XPO4: variants seen among roughly 807,000 people sequenced by gnomAD.
The protein encoded by XPO4 is exportin-4.
Under a neutral mutation model 143.0 loss-of-function variants are expected in XPO4, and 39 were observed. That is an observed-to-expected ratio of 0.27 (90% CI 0.21 to 0.36). The LOEUF (loss-of-function observed/expected upper bound fraction) is 0.36, where lower values mean the gene tolerates loss of function less well. Ranked by LOEUF, XPO4 falls within the 10% of genes least tolerant of loss-of-function variation. The probability of loss-of-function intolerance (pLI) is 1.00; values close to 1 mark genes in which losing one functional copy is unlikely to be tolerated. For synonymous variants in XPO4, 439 were observed against 474.0 expected (o/e 0.93, Z 0.96); for missense variants, 907 against 1,348.0 (o/e 0.67, Z 5.12).
chr13:20,887,590 C>T (rs886070872), intron 1 of XPO4, among the ~76,000 whole-genome samples: 1 of 152,228 alleles, frequency 6.6e-6, no homozygotes, highest in African/African-American at 2.4e-5. Flanking sequence ...CACTGTGGCT[C>T]ATGCCTGTAA....
intron 1 of XPO4, among the ~76,000 whole-genome samples, chr13:20,877,447 A>C (rs1272054739): frequency 6.6e-6 from 1 of 152,220 alleles, no homozygotes; most frequent in African/African-American, 2.4e-5. Context: ...ACTCAGCTAG[A>C]AACACTCTTC....
chr13:20,866,126 AC>A (rs2060242834), intron 2 of XPO4: 2 of 984,184 alleles, frequency 2.0e-6, no homozygotes, highest in Non-Finnish European at 2.4e-6. Flanking sequence ...TTTTAAAGGA[AC>A]ATTTGATCCT....
rs1232276433 is a variant in XPO4, at chr13:20,790,340, T to G, written c.2916+122A>C. ...ACCGTTAATGAAAATACAAAAATTGTATCTTCATGTGCACTTAGCAGATAC... is the reference window on the plus strand; with the variant it reads ...ACCGTTAATGAAAATACAAAAATTGGATCTTCATGTGCACTTAGCAGATAC... On this transcript the variant is annotated intron_variant, in intron 19 of 22. Transcript: ENST00000255305. 4 of 762,554 alleles carry G rather than the reference T, an allele frequency of 5.2e-6. No individual in the cohort carries two copies. In the Admixed American group the frequency reaches 8.3e-5, roughly 16 times the overall value. 47.2% of individuals were successfully genotyped at this position (762,554 alleles called of 1,614,324 possible).
At chr13:20,877,995 A>T (rs1056104378) in intron 1 of XPO4, among the ~76,000 whole-genome samples, 2 of 152,190 alleles carry the variant, frequency 1.3e-5, no homozygotes, top group Non-Finnish European at 2.9e-5. Context: ...TCAGGAGCTC[A>T]AGACCAGCCT....
chr13:20,802,351 C>T (rs978422237), intron 13 of XPO4, among the ~76,000 whole-genome samples: 1 of 152,134 alleles, frequency 6.6e-6, no homozygotes, highest in Non-Finnish European at 1.5e-5. Context: ...AACCACCATG[C>T]CCAACCTTCT....
intron 18 of XPO4, among the ~76,000 whole-genome samples, chr13:20,792,545 G>T (rs1243895599): frequency 6.6e-6 from 1 of 151,766 alleles, no homozygotes; most frequent in Non-Finnish European, 1.5e-5. Flanking sequence ...GTCCAGCCTG[G>T]GTGACAGAGC....
intron 4 of XPO4, among the ~76,000 whole-genome samples, chr13:20,845,236 G>A (rs780115425): frequency 6.6e-6 from 1 of 152,120 alleles, no homozygotes; most frequent in South Asian, 2.1e-4. Context: ...TAAAACAAGC[G>A]TGACTATATA....
At chr13:20,828,109 C>T (rs979182042) in intron 6 of XPO4, among the ~76,000 whole-genome samples, 4 of 152,062 alleles carry the variant, frequency 2.6e-5, no homozygotes, top group Non-Finnish European at 4.4e-5. Flanking sequence ...TGGTGGCAGG[C>T]ACCTGTAATC....
intron 1 of XPO4, among the ~76,000 whole-genome samples, chr13:20,901,190 C>A (rs897605261): frequency 6.6e-6 from 1 of 152,206 alleles, no homozygotes; most frequent in Non-Finnish European, 1.5e-5. Context: ...AGCCCAATAT[C>A]TAGCACTCAA....
chr13:20,858,567 T>C (rs2060166640), intron 3 of XPO4, among the ~76,000 whole-genome samples: 1 of 151,734 alleles, frequency 6.6e-6, no homozygotes, highest in African/African-American at 2.4e-5. Context: ...AAAAAAATGT[T>C]TGAGATAAAA....
chr13:20,832,978 A>G (rs372495298), intron 6 of XPO4, among the ~76,000 whole-genome samples: 9 of 152,318 alleles, frequency 5.9e-5, no homozygotes, highest in African/African-American at 2.2e-4. Flanking sequence ...AATAAAAGGC[A>G]GTGTAACCAA....
chr13:20,891,438 A>C (rs1055986661), intron 1 of XPO4, among the ~76,000 whole-genome samples: 12 of 152,222 alleles, frequency 7.9e-5, no homozygotes, highest in Non-Finnish European at 1.6e-4. Flanking sequence ...AATAGCAGCT[A>C]ACATTTACAG....
At chr13:20,813,192 C>A (rs1246101533) in intron 9 of XPO4, among the ~76,000 whole-genome samples, 1 of 152,128 alleles carries the variant, frequency 6.6e-6, no homozygotes, top group East Asian at 1.9e-4. Context: ...AATCACCCCC[C>A]ACCAGGTCCC....
intron 2 of XPO4, chr13:20,865,731 T>C (rs1360137283): frequency 9.4e-6 from 3 of 319,322 alleles, no homozygotes; most frequent in Non-Finnish European, 1.4e-5. Flanking sequence ...GATATACAGC[T>C]ACTACAATCA....
At chr13:20,799,694 C>T (rs2059407861) in intron 15 of XPO4, among the ~76,000 whole-genome samples, 1 of 152,092 alleles carries the variant, frequency 6.6e-6, no homozygotes, top group Non-Finnish European at 1.5e-5. Context: ...ATAAACCAGA[C>T]AATGACAATG....
intron 4 of XPO4, chr13:20,848,399 A>G: frequency 1.0e-6 from 1 of 985,348 alleles, no homozygotes; most frequent in South Asian, 4.7e-5. Context: ...CAGCTTTCTC[A>G]TCTACAGTAA....
chr13:20,882,420 G>A (rs1463927870), intron 1 of XPO4, among the ~76,000 whole-genome samples: 1 of 152,094 alleles, frequency 6.6e-6, no homozygotes, highest in Non-Finnish European at 1.5e-5. Context: ...GTGGGGGGAG[G>A]TGCCACATTC....
intron 6 of XPO4, among the ~76,000 whole-genome samples, chr13:20,842,120 C>A (rs918752720): frequency 6.6e-6 from 1 of 152,128 alleles, no homozygotes; most frequent in African/African-American, 2.4e-5. Flanking sequence ...CCCCATTTTA[C>A]ATTTGGAAAA....
intron 1 of XPO4, among the ~76,000 whole-genome samples, chr13:20,895,786 G>A (rs1420260806): frequency 1.3e-5 from 2 of 151,496 alleles, no homozygotes; most frequent in East Asian, 3.9e-4. Context: ...TGTTCATTCA[G>A]ATCTTCCCAT....
Sources: gnomAD v4.1 joint callset for allele counts (sites outside exome capture counted in the v4.1 genomes callset) on GRCh38, gnomAD v4.1.1 for gene constraint, MANE v1.5 for transcripts, NCBI Gene and HGNC (gene_info 2026-07-23, HGNC 2026-07-21) for gene names.